Variants in MTG2 observed in about 807,000 individuals in gnomAD.
The protein encoded by MTG2 is mitochondrial ribosome associated GTPase 2.
Under a neutral mutation model 28.6 loss-of-function variants are expected in MTG2, and 23 were observed. The ratio of observed to expected loss-of-function variants is 0.80; its 90% CI spans 0.58 to 1.14. The LOEUF (loss-of-function observed/expected upper bound fraction) is 1.14, where lower values mean the gene tolerates loss of function less well. Ranked by LOEUF, MTG2 falls within the 50% of genes most tolerant of loss-of-function variation. The pLI is 0.00. For synonymous variants in MTG2, 260 were observed against 251.8 expected (o/e 1.03, Z -0.31); for missense variants, 539 against 552.0 (o/e 0.98, Z 0.24).
chr20:62,196,874 CA>C (rs751746829), intron 3 of MTG2, among the ~76,000 whole-genome samples: 113 of 147,136 alleles, frequency 7.7e-4, no homozygotes, highest in African/African-American at 2.8e-3. Context: ...ACAAAAAATA[CA>C]AAAAAAATTA....
intron 1 of MTG2, among the ~76,000 whole-genome samples, chr20:62,190,209 C>T (rs1470221844): frequency 6.6e-6 from 1 of 152,188 alleles, no homozygotes; most frequent in African/African-American, 2.4e-5. Flanking sequence ...AGAGTTCATA[C>T]TGTGCCCCTC....
intron 1 of MTG2, among the ~76,000 whole-genome samples, chr20:62,189,683 T>TTG (rs2057918345): frequency 6.7e-6 from 1 of 149,078 alleles, no homozygotes; most frequent in South Asian, 2.1e-4. Context: ...TTTTTTTTTT[T>TTG]GAGATGGAGT....
At chr20:62,183,796 C>T (rs994125194) in intron 1 of MTG2, among the ~76,000 whole-genome samples, 3 of 152,210 alleles carry the variant, frequency 2.0e-5, no homozygotes, top group African/African-American at 7.2e-5. Context: ...TTGTTTTAAA[C>T]GCAGGTTCGT....
rs149571804 is a variant in MTG2, at chr20:62,198,766, C to T, written c.601C>T (p.Arg201Cys). ...GNRFFLANNNRAPVTCTPGQP... is the reference protein window; with the variant it reads ...GNRFFLANNNCAPVTCTPGQP... ...CCGCTTCTTCCTGGCCAACAACAAC[C>T]GTGCCCCTGTGACCTGTACCCCTGG... The change falls in exon 5 of 7, where the codon CGT becomes TGT. Residue 201 changes from arginine (R) to cysteine (C), a missense_variant. Transcript: ENST00000370823. 2.2e-5 allele frequency: 36 copies of T among 1,614,028 alleles called. No homozygotes were observed. Among genetic ancestry groups the T allele is most frequent in the East Asian group, 8.9e-5 (4 of 44,904 alleles).
intron 2 of MTG2, among the ~76,000 whole-genome samples, chr20:62,195,047 C>G (rs1247639825): frequency 6.6e-6 from 1 of 152,146 alleles, no homozygotes; most frequent in Admixed American, 6.5e-5. Context: ...ATACAAAAAA[C>G]TAGCCGGGCG....
Position 62,200,580 on chromosome 20 carries a change from C to T in MTG2, c.827-103C>T, listed in dbSNP as rs527911208. The stretch of plus-strand genomic sequence containing the variant: ...TGTTAGAACTCAGGAAATCCGCCTT[C>T]GCAGTGGGCTCCAGGCCTTCTCTCC... On this transcript the variant is annotated intron_variant, in intron 6 of 6. Coordinates refer to ENST00000370823, the MANE Select transcript of MTG2 (RefSeq NM_015666.4). 16 of 1,380,276 alleles carry T rather than the reference C, an allele frequency of 1.2e-5. No individual in the cohort carries two copies. The East Asian group carries it at 1.2e-4, about 10-fold the overall frequency. The allele number at this position is 1,380,276 out of a possible 1,614,324, so 85.5% of individuals were successfully genotyped here.
rs76113317 is a variant in MTG2, at chr20:62,187,851, T to C, written c.-6+4794T>C. Among the ~76,000 whole-genome samples the C allele has an allele frequency of 0.011, 1,620 of 152,342 alleles. 43 individuals are homozygous for C. The East Asian group carries it at 0.11, about 11-fold the overall frequency. On this transcript the variant is annotated intron_variant, in intron 1 of 6. Transcript: ENST00000370823. ...TTATTCTCCTCCTTCTACTCGACGC[T>C]TACTTTGCTCTTTCTGGTTTCTTGA... is the stretch of plus-strand genomic sequence containing the variant.
Position 62,200,676 on chromosome 20 carries a change from C to G in MTG2, c.827-7C>G. 3 of 1,599,024 alleles carry G rather than the reference C, an allele frequency of 1.9e-6. No homozygotes were observed. Among genetic ancestry groups the G allele is most frequent in the African/African-American group, 1.3e-5 (1 of 74,646 alleles). Reference sequence around the variant, plus strand: ...GGTCACCTCGTGTGCCCCTGTCTTCCCTGCAGTGGCCGACATCCCCGGCAT... The same window carrying G: ...GGTCACCTCGTGTGCCCCTGTCTTCGCTGCAGTGGCCGACATCCCCGGCAT... On this transcript the variant is annotated splice_polypyrimidine_tract_variant and splice_region_variant and intron_variant, in intron 6 of 6. Transcript: ENST00000370823.
chr20:62,193,495 A>G lies in MTG2; in HGVS notation c.75A>G (p.Thr25=), dbSNP rs1601092942. The G allele has an allele frequency of 1.9e-6, 3 of 1,614,036 alleles. No homozygotes were observed. The highest frequency in any genetic ancestry group is 2.2e-5 in the East Asian group (1 of 44,894). ...FQGVGHWALS[T]WAGLKPSRLL... is the part of the protein sequence containing the mutation. ...GCGTGGGGCATTGGGCTTTGTCCAC[A>G]TGGGCTGGCCTGAAGCCCAGCCGGC... Residue 25 remains threonine, a synonymous_variant, in exon 2 of 7, where the codon ACA becomes ACG. Transcript: ENST00000370823.
chr20:62,198,437 G>A (rs1287081452), intron 4 of MTG2, among the ~76,000 whole-genome samples, 197 bp from the exon 5 acceptor site: 1 of 152,226 alleles, frequency 6.6e-6, no homozygotes, highest in Non-Finnish European at 1.5e-5. Flanking sequence ...TGTGTACGCA[G>A]CCCCGTGAAA....
chr20:62,193,284 C>T (rs1195910846), intron 1 of MTG2, 132 bp from the exon 2 acceptor site: 3 of 877,636 alleles, frequency 3.4e-6, no homozygotes, highest in Non-Finnish European at 5.4e-6. Flanking sequence ...CCAGGAAAAT[C>T]GGATTCATCA....
At chr20:62,190,465 C>T (rs1212685588) in intron 1 of MTG2, among the ~76,000 whole-genome samples, 1 of 152,214 alleles carries the variant, frequency 6.6e-6, no homozygotes, top group Non-Finnish European at 1.5e-5. Context: ...TTCCTTCAAC[C>T]CGAGGAACTT....
In MTG2 at chr20:62,200,962, T is replaced by A; in HGVS notation, c.1106T>A (p.Val369Glu). 6.2e-7 allele frequency: 1 copy of A among 1,614,022 alleles called. No individual in the cohort carries two copies. The highest frequency in any genetic ancestry group is 8.5e-7 in the Non-Finnish European group (1 of 1,180,038). The change falls in exon 7 of 7, where the codon GTG (valine) becomes GAG (glutamate). Residue 369 changes from valine to glutamate, a missense_variant. By Grantham distance (121) the Val-to-Glu change is moderately radical (BLOSUM62 -2). Transcript: ENST00000370823. ...LRDHLGQEVI[V>E]LSALTGENLE... ...GATCACTTGGGACAGGAGGTCATCG[T>A]GCTGTCGGCGTTGACCGGCGAGAAC...
rs2058198953 is a variant in MTG2, at chr20:62,202,948, G to A, written c.*1871G>A. 1 of 152,238 alleles carries A rather than the reference G, an allele frequency of 6.6e-6. No individual in the cohort carries two copies. The allele number at this position is 152,238 out of a possible 1,614,324, so 9.4% of individuals were successfully genotyped here. The stretch of plus-strand genomic sequence containing the variant: ...GGGCTTTCAGGAGCAATTCCGTTTT[G>A]ATCTCACATCAAATCTGCAGCTAGA... On this transcript the variant is annotated 3_prime_UTR_variant, in exon 7 of 7. Transcript: ENST00000370823.
rs1482329991 is a variant in MTG2 at position 62,203,220 on chromosome 20, TC to T, written c.*2147del. ...CCTGCACGGAGCCCCCAGCCCAGCC[TC>T]CCCGTGGGTTGAAACCTTGATCTGG... On this transcript the variant is annotated 3_prime_UTR_variant, in exon 7 of 7. Coordinates refer to ENST00000370823, the MANE Select transcript of MTG2 (RefSeq NM_015666.4). 5.9e-5 allele frequency: 9 copies of T among 152,292 alleles called. No homozygotes were observed. Among genetic ancestry groups the T allele is most frequent in the African/African-American group, 2.2e-4 (9 of 41,572 alleles). 9.4% of individuals were successfully genotyped at this position (152,292 alleles called of 1,614,324 possible).
intron 2 of MTG2, among the ~76,000 whole-genome samples, chr20:62,194,447 G>A (rs1047054356): frequency 6.6e-6 from 1 of 152,228 alleles, no homozygotes; most frequent in African/African-American, 2.4e-5. Context: ...CACCAGTGGG[G>A]CTTTCCTCCC....
chr20:62,191,889 G>A (rs1403548153), intron 1 of MTG2, among the ~76,000 whole-genome samples: 1 of 152,208 alleles, frequency 6.6e-6, no homozygotes, highest in Non-Finnish European at 1.5e-5. Context: ...CAAGGTAGCC[G>A]GCTGTCATGA....
At chr20:62,184,149 G>C (rs989720927) in intron 1 of MTG2, among the ~76,000 whole-genome samples, 5 of 152,254 alleles carry the variant, frequency 3.3e-5, no homozygotes, top group Non-Finnish European at 4.4e-5. Context: ...ACGAGGTCAG[G>C]AGTTAAAGAC....
intron 1 of MTG2, among the ~76,000 whole-genome samples, chr20:62,190,210 T>C (rs535919274): frequency 6.6e-6 from 1 of 152,214 alleles, no homozygotes; most frequent in Non-Finnish European, 1.5e-5. Context: ...GAGTTCATAC[T>C]GTGCCCCTCA....
Sources: allele counts gnomAD v4.1 joint callset (sites outside exome capture counted in the v4.1 genomes callset), GRCh38; gene constraint gnomAD v4.1.1; transcripts MANE v1.5; gene names NCBI Gene and HGNC (gene_info 2026-07-23, HGNC 2026-07-21).